Variants in HHAT observed in about 807,000 individuals in gnomAD.
HHAT encodes hedgehog acyltransferase.
HHAT carries 47 observed loss-of-function variants against 70.8 expected under a neutral mutation model. The observed-to-expected ratio is 0.66, with a 90% CI of 0.53 to 0.85. The LOEUF (loss-of-function observed/expected upper bound fraction) is 0.85, where lower values mean the gene tolerates loss of function less well. Among genes scored for constraint, HHAT ranks in the 40% least tolerant of loss-of-function variants. The probability of loss-of-function intolerance (pLI) is 0.00; values close to 1 mark genes in which losing one functional copy is unlikely to be tolerated. For synonymous variants in HHAT, 228 were observed against 247.6 expected (o/e 0.92, Z 0.74); for missense variants, 609 against 604.8 (o/e 1.01, Z -0.07).
chr1:210,536,518 A>G, intron 9 of HHAT, among the ~76,000 whole-genome samples: 1 of 152,240 alleles, frequency 6.6e-6, no homozygotes, highest in Non-Finnish European at 1.5e-5. Context: ...TCTGCCTGTT[A>G]GTGATTGTAT....
At chr1:210,667,072 A>G (rs56723937) in intron 11 of HHAT, among the ~76,000 whole-genome samples, 133,552 of 147,486 alleles carry the variant, frequency 0.91, 60,480 homozygotes, top group Middle Eastern at 0.96. Flanking sequence ...AGAGCAAAAC[A>G]TCTCAAAAAA....
intron 10 of HHAT, among the ~76,000 whole-genome samples, chr1:210,592,782 C>T (rs2148799945): frequency 6.6e-6 from 1 of 151,732 alleles, no homozygotes; most frequent in South Asian, 2.1e-4. Context: ...TAATTTTATT[C>T]ATAGCTATTA....
At chr1:210,358,597 T>G (rs922031704) in intron 2 of HHAT, among the ~76,000 whole-genome samples, 12 of 152,262 alleles carry the variant, frequency 7.9e-5, no homozygotes, top group African/African-American at 2.9e-4. Context: ...CCGTCTTTTC[T>G]GTGCCCCCTT....
chr1:210,507,483 C>T (rs1039276952), intron 8 of HHAT, among the ~76,000 whole-genome samples: 2 of 151,218 alleles, frequency 1.3e-5, no homozygotes, highest in African/African-American at 4.9e-5. Context: ...GCCTCAGCCT[C>T]CCTAGCAGCT....
intron 3 of HHAT, among the ~76,000 whole-genome samples, chr1:210,367,564 G>A (rs1366937866): frequency 6.8e-6 from 1 of 146,588 alleles, no homozygotes; most frequent in Non-Finnish European, 1.5e-5. Context: ...AGGAGATGCT[G>A]TTCCAGTGGT....
chr1:210,511,708 C>T (rs1200519104), intron 8 of HHAT, among the ~76,000 whole-genome samples: 1 of 151,896 alleles, frequency 6.6e-6, no homozygotes, highest in South Asian at 2.1e-4. Flanking sequence ...GGGATGCAAC[C>T]ACCACCCGTT....
chr1:210,542,163 A>G (rs2095436832), intron 9 of HHAT, among the ~76,000 whole-genome samples: 1 of 152,218 alleles, frequency 6.6e-6, no homozygotes, highest in Non-Finnish European at 1.5e-5. Context: ...GGAAGTTGTC[A>G]CTATTGACAG....
chr1:210,569,345 G>T (rs1055266604), intron 9 of HHAT, among the ~76,000 whole-genome samples: 8 of 116,208 alleles, frequency 6.9e-5, no homozygotes, highest in Admixed American at 2.3e-4. Context: ...CTGCACTCCA[G>T]CTCGGGCGAC....
chr1:210,500,528 T>C (rs2094732783), intron 8 of HHAT, among the ~76,000 whole-genome samples: 1 of 152,190 alleles, frequency 6.6e-6, no homozygotes, highest in South Asian at 2.1e-4. Flanking sequence ...TATAAGCAGA[T>C]GCTGAATCCG....
intron 5 of HHAT, among the ~76,000 whole-genome samples, chr1:210,401,814 A>G (rs1009437257): frequency 2.0e-5 from 3 of 152,090 alleles, no homozygotes; most frequent in African/African-American, 7.2e-5. Context: ...CTATCAGCAA[A>G]TTCTTCTTGT....
chr1:210,376,883 A>G (rs1341106648), intron 3 of HHAT, among the ~76,000 whole-genome samples: 1 of 152,154 alleles, frequency 6.6e-6, no homozygotes, highest in Non-Finnish European at 1.5e-5. Context: ...TAGATGGCAA[A>G]AATGTTAGTT....
chr1:210,669,128 CCTTT>C (rs1679564521), intron 11 of HHAT, among the ~76,000 whole-genome samples: 1 of 152,206 alleles, frequency 6.6e-6, no homozygotes, highest in Non-Finnish European at 1.5e-5. Context: ...TTCTGATTAT[CCTTT>C]CTCTTTTCAG....
chr1:210,478,249 T>G (rs1400506615), intron 8 of HHAT, among the ~76,000 whole-genome samples: 1 of 152,204 alleles, frequency 6.6e-6, no homozygotes, highest in Non-Finnish European at 1.5e-5. Context: ...CATTTTCTAT[T>G]AGATAGCAGA....
chr1:210,643,928 C>CTTTTTTTATGGAGAAATTTT (rs1553314977), intron 11 of HHAT, among the ~76,000 whole-genome samples: 8 of 151,108 alleles, frequency 5.3e-5, no homozygotes, highest in Non-Finnish European at 1.0e-4. Flanking sequence ...GGAGAAATTT[C>CTTTTTTTATGGAGAAATTTT]TTTTTTTTTC....
intron 7 of HHAT, among the ~76,000 whole-genome samples, chr1:210,441,651 T>C (rs1160091366): frequency 6.6e-6 from 1 of 152,196 alleles, no homozygotes; most frequent in Non-Finnish European, 1.5e-5. Context: ...AATAGTAATA[T>C]ATTTTCGTCA....
chr1:210,646,678 C>T (rs1573976448), intron 11 of HHAT, among the ~76,000 whole-genome samples: 1 of 152,270 alleles, frequency 6.6e-6, no homozygotes, highest in Admixed American at 6.5e-5. Context: ...ATAATCACTG[C>T]TAACATTTTC....
At chr1:210,386,782 T>TCTACCTTCTCCTCCTGGGGAGCTTC (rs2091109583) in intron 3 of HHAT, among the ~76,000 whole-genome samples, 1 of 152,194 alleles carries the variant, frequency 6.6e-6, no homozygotes, top group South Asian at 2.1e-4. Flanking sequence ...GTCAGAGGTT[T>TCTACCTTCTCCTCCTGGGGAGCTTC]CTACCTTCTC....
At chr1:210,544,718 T>G (rs776309816) in intron 9 of HHAT, among the ~76,000 whole-genome samples, 5 of 152,146 alleles carry the variant, frequency 3.3e-5, no homozygotes, top group Non-Finnish European at 5.9e-5. Context: ...CTAATCTAGT[T>G]CATACATGGG....
intron 10 of HHAT, among the ~76,000 whole-genome samples, chr1:210,606,529 T>C (rs1665478421): frequency 1.3e-5 from 2 of 152,208 alleles, no homozygotes; most frequent in African/African-American, 4.8e-5. Context: ...AGAATCTCTC[T>C]TGAAGCCCTT....
Sources: gnomAD v4.1 joint callset for allele counts (sites outside exome capture counted in the v4.1 genomes callset) on GRCh38, gnomAD v4.1.1 for gene constraint, MANE v1.5 for transcripts, NCBI Gene and HGNC (gene_info 2026-07-23, HGNC 2026-07-21) for gene names.